VTA1: variants seen among roughly 807,000 people sequenced by gnomAD.
VTA1 encodes vesicle trafficking 1, also known as vacuolar protein sorting-associated protein VTA1 homolog.
VTA1 carries 24 observed loss-of-function variants against 36.9 expected under a neutral mutation model. The ratio of observed to expected loss-of-function variants is 0.65; its 90% CI spans 0.47 to 0.91. VTA1 has a LOEUF of 0.91. Ranked by LOEUF, VTA1 falls within the 40% of genes least tolerant of loss-of-function variation. The pLI, the probability that VTA1 is intolerant of heterozygous loss-of-function variation, is 0.00. For missense variants in VTA1, 393 were observed against 377.2 expected, an observed-to-expected ratio of 1.04 and a Z score of -0.35; for synonymous variants, 142 against 130.2, an observed-to-expected ratio of 1.09 and a Z score of -0.62.
chr6:142,199,169 A>C (rs1775629491), intron 6 of VTA1, among the ~76,000 whole-genome samples: 1 of 152,126 alleles, frequency 6.6e-6, no homozygotes, highest in South Asian at 2.1e-4. Flanking sequence ...ACTTTAAAAA[A>C]CTAACAGGAA....
At chr6:142,214,938 C>A (rs1465116424) in intron 7 of VTA1, among the ~76,000 whole-genome samples, 1 of 152,172 alleles carries the variant, frequency 6.6e-6, no homozygotes, top group Non-Finnish European at 1.5e-5. Flanking sequence ...TTTTCTGCTA[C>A]ATATTTCTCC....
At chr6:142,183,721 T>G (rs1474675537) in intron 4 of VTA1, among the ~76,000 whole-genome samples, 1 of 152,194 alleles carries the variant, frequency 6.6e-6, no homozygotes, top group South Asian at 2.1e-4. Flanking sequence ...ATCCTTTACA[T>G]CCTTTATTTT....
chr6:142,198,038 C>T (rs1041614947), intron 5 of VTA1, among the ~76,000 whole-genome samples: 3 of 149,788 alleles, frequency 2.0e-5, no homozygotes, highest in African/African-American at 7.4e-5. Context: ...TAGAGCTTGC[C>T]GTGAGCTGAG....
At chr6:142,210,579 T>C (rs1349361533) in intron 7 of VTA1, among the ~76,000 whole-genome samples, 1 of 152,220 alleles carries the variant, frequency 6.6e-6, no homozygotes, top group Non-Finnish European at 1.5e-5. Flanking sequence ...GACAACTCAA[T>C]AGCAAAAAAC....
intron 4 of VTA1, among the ~76,000 whole-genome samples, chr6:142,179,645 G>A (rs1308439199): frequency 3.9e-5 from 6 of 152,050 alleles, no homozygotes; most frequent in Admixed American, 6.5e-5. Flanking sequence ...GTGTACATGC[G>A]CGCACACCAA....
intron 4 of VTA1, among the ~76,000 whole-genome samples, chr6:142,187,788 A>C (rs540226348): frequency 1.1e-4 from 17 of 152,170 alleles, no homozygotes; most frequent in Non-Finnish European, 1.8e-4. Flanking sequence ...TTTTCTGTAC[A>C]GAAGCTGCCT....
Position 142,198,572 on chromosome 6 carries a change from A to C in VTA1, c.654A>C (p.Ala218=). Residue 218 remains alanine, a synonymous_variant, in exon 6 of 8, where the codon GCA becomes GCC. Coordinates refer to ENST00000367630, the MANE Select transcript of VTA1 (RefSeq NM_016485.5). ...CTGGAATACAGATTCCTCCGGGTGCACACGCTCCAGCTAATACACCAGCAG... is the reference window on the plus strand; with the variant it reads ...CTGGAATACAGATTCCTCCGGGTGCCCACGCTCCAGCTAATACACCAGCAG... ...NYTGIQIPPG[A]HAPANTPAEV... is the part of the protein sequence containing the mutation. 1.2e-6 allele frequency: 2 copies of C among 1,613,786 alleles called. No homozygotes were observed. Among genetic ancestry groups the C allele is most frequent in the Non-Finnish European group, 1.7e-6 (2 of 1,179,776 alleles).
intron 7 of VTA1, among the ~76,000 whole-genome samples, chr6:142,213,388 C>T (rs1329811239): frequency 6.6e-6 from 1 of 152,194 alleles, no homozygotes; most frequent in Non-Finnish European, 1.5e-5. Flanking sequence ...TGGCTGCTTT[C>T]ACAGGCTGAT....
Position 142,197,808 on chromosome 6 carries a change from C to G in VTA1, c.521-631C>G, listed in dbSNP as rs113644245. 3.3e-3 allele frequency among the ~76,000 whole-genome samples: 506 copies of G among 151,960 alleles called. 5 individuals are homozygous for G. Among genetic ancestry groups the G allele is most frequent in the Middle Eastern group, 0.024 (7 of 294 alleles). On this transcript the variant is annotated intron_variant, in intron 5 of 7. Coordinates refer to ENST00000367630, the MANE Select transcript of VTA1 (RefSeq NM_016485.5). ...GAAAAACATATTCTGGGTGTGGTGG[C>G]TCACGCCTGTAATTCCAGCACTTTG...
chr6:142,208,431 A>G (rs1031569639), intron 7 of VTA1, among the ~76,000 whole-genome samples: 7 of 152,190 alleles, frequency 4.6e-5, no homozygotes, highest in Non-Finnish European at 5.9e-5. Flanking sequence ...TGGCTACAAG[A>G]TATAGAAATC....
chr6:142,198,153 GTGTGTGTGTGTA>G lies in VTA1; in HGVS notation c.521-284_521-273del, dbSNP rs1562266861. ...TGTGTGTGTGTGTGTGTGTGTGTGTGTGTGTGTGTGTATATGTGTGTACATATACACTATATG... is the reference window on the plus strand; with the variant it reads ...TGTGTGTGTGTGTGTGTGTGTGTGTGTATGTGTGTACATATACACTATATG... On this transcript the variant is annotated intron_variant, in intron 5 of 7. Transcript: ENST00000367630. Among the ~76,000 whole-genome samples, 244 of 146,224 alleles carry G rather than the reference GTGTGTGTGTGTA, an allele frequency of 1.7e-3. 1 individual carries two copies. The highest frequency in any genetic ancestry group is 7.1e-3 in the Middle Eastern group (2 of 282).
At chr6:142,151,960 G>A (rs967602099) in intron 1 of VTA1, among the ~76,000 whole-genome samples, 1 of 152,236 alleles carries the variant, frequency 6.6e-6, no homozygotes, top group Non-Finnish European at 1.5e-5. Context: ...CTTGAACCTG[G>A]AGGTGGAGGT....
chr6:142,148,686 C>G (rs1213731813), intron 1 of VTA1, among the ~76,000 whole-genome samples: 2 of 151,912 alleles, frequency 1.3e-5, no homozygotes, highest in African/African-American at 4.8e-5. Context: ...ACAAATAGAG[C>G]AAGGAAAAGG....
At chr6:142,168,497 C>A (rs1021111529) in intron 2 of VTA1, among the ~76,000 whole-genome samples, 2 of 151,564 alleles carry the variant, frequency 1.3e-5, no homozygotes, top group Non-Finnish European at 2.9e-5. Context: ...ATCTGATACT[C>A]CAGAGAGTTA....
rs225712 is a variant in VTA1, at chr6:142,224,143, A to G, written c.*5500A>G. 125,418 of 152,196 alleles carry G rather than the reference A, an allele frequency of 0.82. 52,326 individuals are homozygous for G. Among genetic ancestry groups the G allele is most frequent in the African/African-American group, 0.95 (39,280 of 41,536 alleles). 9.4% of individuals were successfully genotyped at this position (152,196 alleles called of 1,614,324 possible). A position where few individuals can be genotyped will look rare whatever the true frequency, so the allele number is the denominator to read the frequency against. ...GCCCTAATCCTATAGGTCTGCTGTC[A>G]TTACAAGAAGAGGAAGAGCCACCGG... On this transcript the variant is annotated 3_prime_UTR_variant, in exon 8 of 8. Transcript: ENST00000367630.
intron 1 of VTA1, among the ~76,000 whole-genome samples, chr6:142,159,478 GTATTAT>G (rs199893577): frequency 0.11 from 15,296 of 134,654 alleles, 919 homozygotes; most frequent in Middle Eastern, 0.15. Context: ...TTCATTTCAG[GTATTAT>G]TATTATTATT....
intron 7 of VTA1, among the ~76,000 whole-genome samples, chr6:142,209,930 A>G (rs1258529128): frequency 6.6e-6 from 1 of 152,150 alleles, no homozygotes; most frequent in Non-Finnish European, 1.5e-5. Context: ...AGATTTATGT[A>G]GAATGATAGA....
chr6:142,176,206 A>G (rs76779696), intron 4 of VTA1, among the ~76,000 whole-genome samples: 2 of 152,258 alleles, frequency 1.3e-5, no homozygotes, highest in East Asian at 1.9e-4. Context: ...ACATTTTACT[A>G]TTTTTCATTC....
chr6:142,189,114 TC>T (rs1486129164), intron 4 of VTA1, among the ~76,000 whole-genome samples: 4 of 152,244 alleles, frequency 2.6e-5, no homozygotes, highest in African/African-American at 9.6e-5. Context: ...AGCCTATTTC[TC>T]CCCTGTGCAG....
Sources: allele counts gnomAD v4.1 joint callset (sites outside exome capture counted in the v4.1 genomes callset), GRCh38; gene constraint gnomAD v4.1.1; transcripts MANE v1.5; gene names NCBI Gene and HGNC (gene_info 2026-07-23, HGNC 2026-07-21).